NRIP1: variants seen among roughly 807,000 people sequenced by gnomAD.
The protein encoded by NRIP1 is nuclear receptor-interacting protein 1.
NRIP1 carries 28 observed loss-of-function variants against 75.0 expected under a neutral mutation model. The ratio of observed to expected loss-of-function variants is 0.37; its 90% CI spans 0.28 to 0.51. The LOEUF (loss-of-function observed/expected upper bound fraction) is 0.51. NRIP1 is among the 20% of genes least tolerant of loss of function. The pLI is 0.92. For synonymous variants in NRIP1, 526 were observed against 487.6 expected (o/e 1.08, Z -1.04); for missense variants, 1,435 against 1,343.7 (o/e 1.07, Z -1.06).
At chr21:15,038,397 C>G (rs890309132) in intron 2 of NRIP1, among the ~76,000 whole-genome samples, 28 of 151,960 alleles carry the variant, frequency 1.8e-4, no homozygotes. Flanking sequence ...AAATTACTTT[C>G]CAAAACCTTT....
At chr21:15,065,123 A>T (rs1450206220), upstream of NRIP1, 3 of 152,388 alleles carry the variant, frequency 2.0e-5, no homozygotes. Flanking sequence ...CTCTTCAGCC[A>T]AGTTTCTTAA....
At chr21:14,983,975 T>C (rs2087319419) in intron 3 of NRIP1, among the ~76,000 whole-genome samples, 1 of 152,216 alleles carries the variant, frequency 6.6e-6, no homozygotes, top group South Asian at 2.1e-4. Context: ...GAGATTAATG[T>C]TGTTTTTATG....
At chr21:15,052,553 C>G (rs1307158161) in intron 1 of NRIP1, among the ~76,000 whole-genome samples, 2 of 152,218 alleles carry the variant, frequency 1.3e-5, no homozygotes, top group African/African-American at 2.4e-5. Context: ...ACAGTTTTCC[C>G]CCGCGATACT....
Position 14,987,049 on chromosome 21 carries a change from T to A in NRIP1, c.-334-18523A>T, listed in dbSNP as rs529831370. Among the ~76,000 whole-genome samples, 7 of 152,348 alleles carry A rather than the reference T, an allele frequency of 4.6e-5. No individual in the cohort carries two copies. The South Asian group carries it at 1.4e-3, about 32-fold the overall frequency. On this transcript the variant is annotated intron_variant, in intron 3 of 3. Coordinates refer to ENST00000318948, the MANE Select transcript of NRIP1 (RefSeq NM_003489.4). ...TCCCCTTTATAACCCATTTGCTATC[T>A]CTGGATATCTAGCTTATTTCTAAAA... is the stretch of plus-strand genomic sequence containing the variant.
At chr21:14,980,326 T>C (rs569700601) in intron 3 of NRIP1, among the ~76,000 whole-genome samples, 2 of 151,496 alleles carry the variant, frequency 1.3e-5, no homozygotes, top group Non-Finnish European at 2.9e-5. Context: ...ATACAAAAAT[T>C]AGGTGGACAC....
chr21:15,028,250 T>C (rs889547675), intron 2 of NRIP1, among the ~76,000 whole-genome samples: 3 of 152,210 alleles, frequency 2.0e-5, no homozygotes, highest in African/African-American at 7.2e-5. Context: ...CTCACACTAA[T>C]TCCTCTTCAA....
chr21:15,012,048 T>C (rs1234330183), intron 3 of NRIP1, among the ~76,000 whole-genome samples: 3 of 152,198 alleles, frequency 2.0e-5, no homozygotes, highest in Non-Finnish European at 4.4e-5. Flanking sequence ...AAAATTACTA[T>C]ACTTAAAAAT....
Position 14,966,585 on chromosome 21 carries a change from C to T in NRIP1, c.1608G>A (p.Arg536=), listed in dbSNP as rs770989928. 1.9e-6 allele frequency: 3 copies of T among 1,614,068 alleles called. No individual in the cohort carries two copies. Among genetic ancestry groups the T allele is most frequent in the East Asian group, 2.2e-5 (1 of 44,886 alleles). Residue 536 remains arginine (R), a synonymous_variant, in exon 4 of 4, where the codon AGG becomes AGA. Transcript: ENST00000318948. ...TACTGGGGCTTTCTATCACAGAAGT[C>T]CTTGCATAATTTTGTGTATTGAACT... ...VSKFNTQNYA[R]TSVIESPSTN...
intron 2 of NRIP1, among the ~76,000 whole-genome samples, chr21:15,015,957 G>C (rs2088217272): frequency 1.3e-5 from 2 of 152,182 alleles, no homozygotes; most frequent in African/African-American, 4.8e-5. Context: ...CTAAGAGGCA[G>C]TGCACAATAC....
At chr21:15,026,184 A>C (rs1188954360) in intron 2 of NRIP1, among the ~76,000 whole-genome samples, 1 of 152,194 alleles carries the variant, frequency 6.6e-6, no homozygotes, top group Non-Finnish European at 1.5e-5. Context: ...AAATATGTAG[A>C]ATACAAATGC....
chr21:14,968,310 CAG>C lies in NRIP1; in HGVS notation c.-120_-119del. On this transcript the variant is annotated 5_prime_UTR_variant, in exon 4 of 4. Coordinates refer to ENST00000318948, the MANE Select transcript of NRIP1 (RefSeq NM_003489.4). ...TCAGTTTATCACCTTCCATCGCAAT[CAG>C]AGAGAGACGTACTGTTACATTCTGT... 1.5e-6 allele frequency: 1 copy of C among 678,476 alleles called. No homozygotes were observed. Among genetic ancestry groups the C allele is most frequent in the Non-Finnish European group, 2.5e-6 (1 of 393,880 alleles). The allele number at this position is 678,476 out of a possible 1,614,324, so 42.0% of individuals were successfully genotyped here.
chr21:14,975,678 AGAAAGGGAG>A (rs1204275581), intron 3 of NRIP1, among the ~76,000 whole-genome samples: 4 of 142,372 alleles, frequency 2.8e-5, no homozygotes, highest in African/African-American at 9.1e-5. Flanking sequence ...AGAGAAAGAA[AGAAAGGGAG>A]GGGAGGGGAG....
chr21:14,966,080 T>G lies in NRIP1; in HGVS notation c.2113A>C (p.Asn705His), dbSNP rs752859441. 1.4e-5 allele frequency: 22 copies of G among 1,612,258 alleles called. No homozygotes were observed. The Admixed American group carries it at 3.5e-4, about 26-fold the overall frequency. The change falls in exon 4 of 4, where the codon AAT becomes CAT. Residue 705 changes from asparagine to histidine, a missense_variant. Asn to His is a moderately conservative substitution (Grantham distance 68). Transcript: ENST00000318948. Reference sequence around the variant, plus strand: ...AGGACAGTACGTCTTTCAAGCAGATTTTCTATTTCAGAACCAGAAAGCCCT... The same window carrying G: ...AGGACAGTACGTCTTTCAAGCAGATGTTCTATTTCAGAACCAGAAAGCCCT... ...EPGLSGSEIE[N>H]LLERRTVLQL...
intron 2 of NRIP1, among the ~76,000 whole-genome samples, chr21:15,029,674 AG>A (rs1021170001): frequency 3.3e-5 from 5 of 152,114 alleles, no homozygotes; most frequent in African/African-American, 1.2e-4. Context: ...ATGACTGGGT[AG>A]GGTGCATAGT....
At chr21:15,012,961 G>A (rs2088144511) in intron 3 of NRIP1, among the ~76,000 whole-genome samples, 2 of 151,968 alleles carry the variant, frequency 1.3e-5, no homozygotes, top group South Asian at 2.1e-4. Flanking sequence ...TCTTGTGGCG[G>A]GGCGGTCACA....
chr21:15,053,791 A>G (rs945912247), intron 1 of NRIP1, among the ~76,000 whole-genome samples: 3 of 152,244 alleles, frequency 2.0e-5, no homozygotes, highest in African/African-American at 7.2e-5. Context: ...TATGAGCCAA[A>G]AGAAATATAC....
intron 3 of NRIP1, among the ~76,000 whole-genome samples, chr21:14,981,027 T>C (rs556547733): frequency 6.6e-6 from 1 of 152,300 alleles, no homozygotes; most frequent in East Asian, 1.9e-4. Flanking sequence ...GAAATATCAC[T>C]ACAGACACAA....
chr21:14,990,457 C>T (rs2087538170), intron 3 of NRIP1, among the ~76,000 whole-genome samples: 1 of 152,136 alleles, frequency 6.6e-6, no homozygotes, highest in African/African-American at 2.4e-5. Context: ...GATGATGAGC[C>T]TTGAGCAAGG....
At chr21:14,990,138 C>T (rs539724362) in intron 3 of NRIP1, among the ~76,000 whole-genome samples, 1 of 152,298 alleles carries the variant, frequency 6.6e-6, no homozygotes, top group South Asian at 2.1e-4. Flanking sequence ...TCTAGCGCCA[C>T]TAGCCTAAGA....
Sources: allele counts gnomAD v4.1 joint callset (sites outside exome capture counted in the v4.1 genomes callset), GRCh38; gene constraint gnomAD v4.1.1; transcripts MANE v1.5; gene names NCBI Gene and HGNC (gene_info 2026-07-23, HGNC 2026-07-21).